Variants in DENND2C observed in about 807,000 individuals in gnomAD.
DENND2C encodes DENN domain-containing protein 2C.
In DENND2C, 72 loss-of-function variants were observed where a neutral mutation model predicts 112.4. That is an observed-to-expected ratio of 0.64 (90% CI 0.53 to 0.78). The LOEUF (loss-of-function observed/expected upper bound fraction) is 0.78, where lower values mean the gene tolerates loss of function less well. Among genes scored for constraint, DENND2C ranks in the 30% least tolerant of loss-of-function variants. DENND2C has a pLI of 0.00. For missense variants in DENND2C, 992 were observed against 1,113.8 expected (o/e 0.89, Z 1.56); for synonymous variants, 329 against 381.6 (o/e 0.86, Z 1.61).
At chr1:114,632,087 C>CT (rs142258154) in intron 3 of DENND2C, among the ~76,000 whole-genome samples, 1,724 of 152,158 alleles carry the variant, frequency 0.011, 27 homozygotes, top group African/African-American at 0.039. Flanking sequence ...GCAATAGAAA[C>CT]TGTTTTTAAA....
At chr1:114,646,272 T>C (rs950369885) in intron 2 of DENND2C, among the ~76,000 whole-genome samples, 1 of 152,194 alleles carries the variant, frequency 6.6e-6, no homozygotes, top group African/African-American at 2.4e-5. Context: ...AGGGACACAC[T>C]GAACATGTTT....
intron 10 of DENND2C, among the ~76,000 whole-genome samples, chr1:114,606,226 A>T (rs1192829898): frequency 1.3e-5 from 2 of 150,808 alleles, no homozygotes; most frequent in African/African-American, 4.9e-5. Flanking sequence ...TTAATTTCTT[A>T]AAAAAAAACA....
At chr1:114,629,126 C>T (rs1233211962) in intron 3 of DENND2C, among the ~76,000 whole-genome samples, 1 of 152,108 alleles carries the variant, frequency 6.6e-6, no homozygotes, top group Non-Finnish European at 1.5e-5. Context: ...GAGACTTTTC[C>T]AGCTATTAAA....
At chr1:114,627,356 A>G (rs1449223396) in intron 3 of DENND2C, among the ~76,000 whole-genome samples, 1 of 152,168 alleles carries the variant, frequency 6.6e-6, no homozygotes, top group Non-Finnish European at 1.5e-5. Context: ...TCCTTCCTTG[A>G]GCTTTGTCTG....
intron 8 of DENND2C, among the ~76,000 whole-genome samples, chr1:114,612,754 G>A (rs1655857618): frequency 6.6e-6 from 1 of 151,990 alleles, no homozygotes; most frequent in South Asian, 2.1e-4. Flanking sequence ...TCCTGACCTC[G>A]TGATCTGCCC....
chr1:114,653,969 A>G (rs1193058805), intron 2 of DENND2C, among the ~76,000 whole-genome samples: 1 of 152,200 alleles, frequency 6.6e-6, no homozygotes. Flanking sequence ...AAGATCTATT[A>G]AGTAAATGAA....
chr1:114,659,947 C>G (rs796661718), intron 1 of DENND2C, among the ~76,000 whole-genome samples: 1 of 66,364 alleles, frequency 1.5e-5, no homozygotes, highest in African/African-American at 8.3e-5. Flanking sequence ...CACATCACCA[C>G]GCCTGGCTAA....
chr1:114,618,520 A>G, intron 7 of DENND2C, 38 bp from the exon 8 acceptor site: 1 of 1,270,520 alleles, frequency 7.9e-7, no homozygotes, highest in Non-Finnish European at 1.1e-6. Flanking sequence ...TAAGACCAAC[A>G]CCCAAAAGTT....
chr1:114,650,324 A>T (rs1403256073), intron 2 of DENND2C, among the ~76,000 whole-genome samples: 1 of 128,496 alleles, frequency 7.8e-6, no homozygotes, highest in Admixed American at 7.9e-5. Flanking sequence ...ATTCTGTCTT[A>T]AAAAAAAAAA....
chr1:114,651,276 T>TACACACAC (rs57202953), intron 2 of DENND2C, among the ~76,000 whole-genome samples: 3,021 of 139,324 alleles, frequency 0.022, 46 homozygotes, highest in Non-Finnish European at 0.029. Context: ...TCCCTACACA[T>TACACACAC]ACACACACAC....
chr1:114,592,432 T>C (rs549612112), intron 18 of DENND2C, among the ~76,000 whole-genome samples: 1 of 152,272 alleles, frequency 6.6e-6, no homozygotes, highest in African/African-American at 2.4e-5. Flanking sequence ...CAATTAAATT[T>C]TATGGTTGGG....
chr1:114,599,509 C>A, intron 15 of DENND2C, 58 bp from the exon 16 acceptor site: 1 of 1,379,030 alleles, frequency 7.3e-7, no homozygotes, highest in Non-Finnish European at 9.7e-7. Flanking sequence ...GAGGACATTT[C>A]AGTTATTATG....
chr1:114,641,636 C>T (rs1656838903), intron 3 of DENND2C, among the ~76,000 whole-genome samples: 1 of 152,132 alleles, frequency 6.6e-6, no homozygotes, highest in Admixed American at 6.6e-5. Flanking sequence ...TTGTAACCTT[C>T]CTGAGGCCTC....
chr1:114,622,289 T>C (rs990636515), intron 6 of DENND2C, among the ~76,000 whole-genome samples: 5 of 151,890 alleles, frequency 3.3e-5, no homozygotes, highest in Admixed American at 3.3e-4. Context: ...AATTTTTTCT[T>C]TTTTTTGGTA....
chr1:114,616,895 C>G (rs184432573), intron 8 of DENND2C, among the ~76,000 whole-genome samples: 12 of 152,112 alleles, frequency 7.9e-5, no homozygotes, highest in Admixed American at 5.2e-4. Flanking sequence ...GCAAAAGAGG[C>G]TGAATTCGAC....
At chr1:114,614,677 T>C (rs1368040363) in intron 8 of DENND2C, among the ~76,000 whole-genome samples, 2 of 152,156 alleles carry the variant, frequency 1.3e-5, no homozygotes, top group African/African-American at 4.8e-5. Flanking sequence ...TCCTAATCCA[T>C]AAGGCATAGA....
At chr1:114,612,062 G>A (rs1226537990) in intron 8 of DENND2C, among the ~76,000 whole-genome samples, 2 of 151,942 alleles carry the variant, frequency 1.3e-5, no homozygotes, top group Non-Finnish European at 2.9e-5. Context: ...TACAAATCAA[G>A]AAGAAAAAGC....
chr1:114,626,860 T>C (rs1170690322), intron 3 of DENND2C, among the ~76,000 whole-genome samples: 1 of 151,994 alleles, frequency 6.6e-6, no homozygotes. Context: ...AAGGAGCATA[T>C]ATATACACAG....
intron 5 of DENND2C, 52 bp downstream of exon 5, chr1:114,623,455 C>G: frequency 6.4e-7 from 1 of 1,552,910 alleles, no homozygotes; most frequent in Non-Finnish European, 8.8e-7. Flanking sequence ...CAATTAAGGG[C>G]TTCACCAAAT....
Sources: allele counts gnomAD v4.1 joint callset (sites outside exome capture counted in the v4.1 genomes callset), GRCh38; gene constraint gnomAD v4.1.1; transcripts MANE v1.5; gene names NCBI Gene and HGNC (gene_info 2026-07-23, HGNC 2026-07-21).